The following DENND1B variants were observed in gnomAD, a reference collection of about 807,000 sequenced individuals.
DENND1B encodes DENN domain-containing protein 1B.
A neutral mutation model predicts 90.1 loss-of-function variants in DENND1B; 59 were observed. The ratio of observed to expected loss-of-function variants is 0.65; its 90% confidence interval spans 0.53 to 0.81. The LOEUF is 0.81. Ranked by LOEUF, DENND1B falls within the 40% of genes least tolerant of loss-of-function variation. DENND1B has a pLI of 0.00. For missense variants in DENND1B, 862 were observed against 912.6 expected (o/e 0.94, Z 0.71); for synonymous variants, 337 against 324.6 (o/e 1.04, Z -0.41).
intron 10 of DENND1B, among the ~76,000 whole-genome samples, chr1:197,632,355 A>G (rs1324061903): frequency 6.6e-6 from 1 of 152,128 alleles, no homozygotes; most frequent in Non-Finnish European, 1.5e-5. Context: ...CACTCTCTCC[A>G]TATACAAACA....
At chr1:197,542,712 C>G (rs1342910061) in intron 18 of DENND1B, among the ~76,000 whole-genome samples, 1 of 152,088 alleles carries the variant, frequency 6.6e-6, no homozygotes, top group Admixed American at 6.5e-5. Context: ...TCAGAGTACA[C>G]ATTTCAGAAA....
chr1:197,684,769 T>C (rs1443865428), intron 3 of DENND1B, among the ~76,000 whole-genome samples: 1 of 152,158 alleles, frequency 6.6e-6, no homozygotes, highest in Non-Finnish European at 1.5e-5. Flanking sequence ...AAATAAGAGC[T>C]TAAACTGATT....
chr1:197,645,358 T>C (rs553233029), intron 9 of DENND1B, among the ~76,000 whole-genome samples: 7 of 152,060 alleles, frequency 4.6e-5, no homozygotes, highest in Non-Finnish European at 1.0e-4. Context: ...TCTCCTGAGG[T>C]ATCTCTTCTA....
At chr1:197,567,952 C>A (rs188040318) in intron 15 of DENND1B, among the ~76,000 whole-genome samples, 108 of 145,988 alleles carry the variant, frequency 7.4e-4, no homozygotes, top group Middle Eastern at 6.8e-3. Context: ...TAGAGCAATT[C>A]ATGAGGAAAT....
chr1:197,615,067 C>T (rs1677524023), intron 11 of DENND1B, among the ~76,000 whole-genome samples: 3 of 151,010 alleles, frequency 2.0e-5, no homozygotes, highest in African/African-American at 7.3e-5. Context: ...TATGTGTTGC[C>T]ATCCATGGTC....
chr1:197,574,128 T>A (rs1246520743), intron 15 of DENND1B, among the ~76,000 whole-genome samples: 1 of 152,144 alleles, frequency 6.6e-6, no homozygotes, highest in African/African-American at 2.4e-5. Flanking sequence ...GTGTATTCAA[T>A]TAGGAAAAGA....
chr1:197,660,398 C>T (rs1654291778), intron 5 of DENND1B, among the ~76,000 whole-genome samples: 1 of 151,912 alleles, frequency 6.6e-6, no homozygotes, highest in Non-Finnish European at 1.5e-5. Flanking sequence ...ATTACACTAT[C>T]AGGCCATCAA....
intron 3 of DENND1B, among the ~76,000 whole-genome samples, chr1:197,685,976 A>G (rs1657194023): frequency 6.6e-6 from 1 of 152,128 alleles, no homozygotes; most frequent in Non-Finnish European, 1.5e-5. Context: ...TATCATGTAG[A>G]ATGCTTTCTA....
Position 197,611,957 on chromosome 1 carries a change from T to G in DENND1B, c.793A>C (p.Ile265Leu). The part of the protein sequence containing the change: ...DYCCAPMPYL[I>L]GIHSSLIERV... ...TCTATGAGGCTGGAGTGTATTCCAA[T>G]CAGGTATGGCATTGGGGCACTAAAT... Residue 265 changes from isoleucine (I) to leucine (L), a missense_variant, in exon 12 of 23, where the codon ATT becomes CTT. Coordinates refer to ENST00000620048, the MANE Select transcript of DENND1B (RefSeq NM_001195215.2). 1 of 1,604,170 alleles carries G rather than the reference T, an allele frequency of 6.2e-7. No homozygotes were observed. Among genetic ancestry groups the G allele is most frequent in the Non-Finnish European group, 8.5e-7 (1 of 1,173,332 alleles).
intron 2 of DENND1B, among the ~76,000 whole-genome samples, chr1:197,739,049 T>C (rs932514229): frequency 5.3e-5 from 8 of 152,220 alleles, no homozygotes; most frequent in African/African-American, 1.7e-4. Flanking sequence ...CCCAAGACTT[T>C]AGTGCTGATG....
At chr1:197,570,987 T>C (rs1032085898) in intron 15 of DENND1B, among the ~76,000 whole-genome samples, 3 of 152,164 alleles carry the variant, frequency 2.0e-5, no homozygotes, top group Admixed American at 1.3e-4. Context: ...AAAATGTCAA[T>C]ATAAAAAGAC....
intron 15 of DENND1B, among the ~76,000 whole-genome samples, chr1:197,559,199 T>C (rs6682689): frequency 0.79 from 120,586 of 151,860 alleles, 48,017 homozygotes; most frequent in East Asian, 0.87. Context: ...TCTAGACACA[T>C]GTTATATAAA....
intron 14 of DENND1B, among the ~76,000 whole-genome samples, chr1:197,593,031 A>G (rs571565761): frequency 6.6e-6 from 1 of 152,196 alleles, no homozygotes; most frequent in African/African-American, 2.4e-5. Context: ...TGATTGATAT[A>G]AAATATTTTT....
Position 197,743,441 on chromosome 1 carries a change from G to A in DENND1B, c.83-28367C>T, listed in dbSNP as rs114428508. On this transcript the variant is annotated intron_variant, in intron 2 of 22. Transcript: ENST00000620048. ...AAAATATGTTATTGCTTTAAGAAATGCTAACAATCTTCTGAGCCTTCAGCA... is the reference window on the plus strand; with the variant it reads ...AAAATATGTTATTGCTTTAAGAAATACTAACAATCTTCTGAGCCTTCAGCA... Among the ~76,000 whole-genome samples the A allele has an allele frequency of 1.2e-3, 189 of 152,286 alleles. 1 individual carries two copies. Among genetic ancestry groups the A allele is most frequent in the Non-Finnish European group, 2.2e-3 (152 of 68,024 alleles).
At chr1:197,645,895 G>A in intron 8 of DENND1B, 152 bp from the exon 9 acceptor site, 1 of 473,856 alleles carries the variant, frequency 2.1e-6, no homozygotes, top group East Asian at 3.6e-5. Context: ...ATTCTTAAAT[G>A]AGTTAGCGGG....
chr1:197,554,804 T>G (rs1382222637), intron 15 of DENND1B, among the ~76,000 whole-genome samples: 2 of 56,826 alleles, frequency 3.5e-5, no homozygotes, highest in African/African-American at 7.0e-5. Context: ...ATTGCACCAT[T>G]GCACTCCAGC....
intron 3 of DENND1B, among the ~76,000 whole-genome samples, chr1:197,682,382 T>A (rs1656782874): frequency 6.6e-6 from 1 of 152,174 alleles, no homozygotes; most frequent in Admixed American, 6.6e-5. Flanking sequence ...TAAAAACAGA[T>A]TATTTAATGA....
chr1:197,617,601 A>C, intron 11 of DENND1B, 58 bp downstream of exon 11: 1 of 1,285,898 alleles, frequency 7.8e-7, no homozygotes, highest in Non-Finnish European at 1.1e-6. Flanking sequence ...TTCACAAATA[A>C]ACAGATAATC....
chr1:197,715,935 G>C (rs1660603393), intron 2 of DENND1B, among the ~76,000 whole-genome samples: 1 of 150,900 alleles, frequency 6.6e-6, no homozygotes, highest in Non-Finnish European at 1.5e-5. Flanking sequence ...TATTTCTTCT[G>C]GGCAAAAAAA....
Sources: gnomAD v4.1 joint callset for allele counts (sites outside exome capture counted in the v4.1 genomes callset) on GRCh38, gnomAD v4.1.1 for gene constraint, MANE v1.5 for transcripts, NCBI Gene and HGNC (gene_info 2026-07-23, HGNC 2026-07-21) for gene names.